Variants in MAP3K2 observed in about 807,000 individuals in gnomAD.
MAP3K2 encodes mitogen-activated protein kinase kinase kinase 2, also known as MAP/ERK kinase kinase 2.
MAP3K2 carries 24 observed loss-of-function variants against 80.3 expected under a neutral mutation model. The observed-to-expected ratio is 0.30, with a 90% CI of 0.22 to 0.42. MAP3K2 has a LOEUF of 0.42. Ranked by LOEUF, MAP3K2 falls within the 10% of genes least tolerant of loss-of-function variation. The pLI is 1.00. For synonymous variants in MAP3K2, 244 were observed against 253.7 expected, an observed-to-expected ratio of 0.96 and a Z score of 0.36; for missense variants, 608 against 750.1, an observed-to-expected ratio of 0.81 and a Z score of 2.21.
intron 1 of MAP3K2, among the ~76,000 whole-genome samples, chr2:127,367,565 G>A (rs888135137): frequency 9.2e-5 from 14 of 152,092 alleles, no homozygotes; most frequent in African/African-American, 3.1e-4. Context: ...GGCTGAGGCA[G>A]GCATATTACC....
chr2:127,358,385 A>C (rs1267627483), intron 1 of MAP3K2, among the ~76,000 whole-genome samples: 1 of 152,188 alleles, frequency 6.6e-6, no homozygotes, highest in African/African-American at 2.4e-5. Flanking sequence ...TTCTCACAAA[A>C]CTAAACATAC....
At chr2:127,346,410 TAAA>T (rs70985447) in intron 1 of MAP3K2, among the ~76,000 whole-genome samples, 7 of 96,324 alleles carry the variant, frequency 7.3e-5, no homozygotes, top group Non-Finnish European at 1.2e-4. Context: ...AAACTGGTTT[TAAA>T]AAAAAAAAAA....
intron 7 of MAP3K2, among the ~76,000 whole-genome samples, chr2:127,328,756 T>C (rs942621723): frequency 6.6e-6 from 1 of 152,218 alleles, no homozygotes; most frequent in Non-Finnish European, 1.5e-5. Context: ...AGAACATGAA[T>C]AATGTCTATT....
intron 1 of MAP3K2, among the ~76,000 whole-genome samples, chr2:127,367,736 T>G (rs982268373): frequency 5.3e-5 from 8 of 152,142 alleles, no homozygotes; most frequent in African/African-American, 1.9e-4. Context: ...GACGTTGTGG[T>G]GAGCCAAGAT....
At chr2:127,376,332 A>C (rs1287857351) in intron 1 of MAP3K2, among the ~76,000 whole-genome samples, 1 of 151,466 alleles carries the variant, frequency 6.6e-6, no homozygotes, top group African/African-American at 2.4e-5. Context: ...GAAGGGGGGG[A>C]GCGCAACCAT....
At chr2:127,383,692 C>A (rs1265030051) in intron 1 of MAP3K2, among the ~76,000 whole-genome samples, 1 of 152,148 alleles carries the variant, frequency 6.6e-6, no homozygotes, top group Non-Finnish European at 1.5e-5. Flanking sequence ...GACAGTGGCT[C>A]ATGCCTGTAA....
intron 1 of MAP3K2, among the ~76,000 whole-genome samples, chr2:127,381,101 A>C (rs1687237767): frequency 6.6e-6 from 1 of 152,166 alleles, no homozygotes; most frequent in South Asian, 2.1e-4. Flanking sequence ...TCCTGGGCTA[A>C]AGGGATTCTC....
In MAP3K2 at chr2:127,299,333, G is replaced by C. The variant is rs1032042368; in HGVS notation, c.*8246C>G. The stretch of plus-strand genomic sequence containing the variant: ...ATATAAAGACACACAACGTATGTTT[G>C]GACATTTCAAAACCAATTTATAGTC... On this transcript the variant is annotated 3_prime_UTR_variant, in exon 17 of 17. Coordinates refer to ENST00000682094, the MANE Select transcript of MAP3K2 (RefSeq NM_001371910.2). 6.6e-6 allele frequency: 1 copy of C among 152,104 alleles called. No individual in the cohort carries two copies. The highest frequency in any genetic ancestry group is 1.5e-5 in the Non-Finnish European group (1 of 68,008). 9.4% of individuals were successfully genotyped at this position (152,104 alleles called of 1,614,324 possible). A position where few individuals can be genotyped will look rare whatever the true frequency, so the allele number is the denominator to read the frequency against.
chr2:127,314,127 C>T (rs899297254), intron 15 of MAP3K2, among the ~76,000 whole-genome samples: 1 of 152,160 alleles, frequency 6.6e-6, no homozygotes, highest in Non-Finnish European at 1.5e-5. Flanking sequence ...TGACTTTATG[C>T]ATTTACCTAC....
At chr2:127,316,708 C>G (rs1000864695) in intron 14 of MAP3K2, among the ~76,000 whole-genome samples, 13 of 152,282 alleles carry the variant, frequency 8.5e-5, no homozygotes, top group African/African-American at 3.1e-4. Flanking sequence ...TGCATTGCTA[C>G]AGTGGAATAA....
Position 127,387,886 on chromosome 2 carries a change from C to T in MAP3K2, c.-500G>A. The T allele has an allele frequency of 1.4e-5, 14 of 982,314 alleles. No homozygotes were observed. The highest frequency in any genetic ancestry group is 1.7e-5 in the African/African-American group (1 of 57,252). The allele number at this position is 982,314 out of a possible 1,614,324, so 60.8% of individuals were successfully genotyped here. A position where few individuals can be genotyped will look rare whatever the true frequency, so the allele number is the denominator to read the frequency against. Reference sequence around the variant, plus strand: ...TCGCCGCCGCGGGCCGTGCAACCCCCGAACGCTGCGCCCAGCGGCCGCGGC... The same window carrying T: ...TCGCCGCCGCGGGCCGTGCAACCCCTGAACGCTGCGCCCAGCGGCCGCGGC... On this transcript the variant is annotated 5_prime_UTR_variant, in exon 1 of 17. Coordinates refer to ENST00000682094, the MANE Select transcript of MAP3K2 (RefSeq NM_001371910.2).
At chr2:127,314,972 AAT>A in intron 14 of MAP3K2, 89 bp from the exon 15 acceptor site, 1 of 881,622 alleles carries the variant, frequency 1.1e-6, no homozygotes, top group Admixed American at 2.8e-5. Context: ...AGAGGGCAGG[AAT>A]TCTCATCTCA....
At chr2:127,313,718 CAT>C (rs753452136) in intron 15 of MAP3K2, among the ~76,000 whole-genome samples, 1 of 152,166 alleles carries the variant, frequency 6.6e-6, no homozygotes, top group Non-Finnish European at 1.5e-5. Context: ...ATGCAAACAT[CAT>C]AGAGTGTATT....
At chr2:127,345,003 T>C (rs1558983225) in intron 1 of MAP3K2, among the ~76,000 whole-genome samples, 1 of 152,108 alleles carries the variant, frequency 6.6e-6, no homozygotes, top group Non-Finnish European at 1.5e-5. Context: ...TAGATGGGAC[T>C]ACAGGTGCAT....
intron 12 of MAP3K2, among the ~76,000 whole-genome samples, chr2:127,320,142 C>CA (rs934554069): frequency 1.1e-4 from 16 of 151,764 alleles, no homozygotes; most frequent in African/African-American, 3.9e-4. Flanking sequence ...GCAACCCTTC[C>CA]AAAAAAAATC....
chr2:127,343,253 A>C lies in MAP3K2; in HGVS notation c.-65-59T>G. On this transcript the variant is annotated intron_variant, in intron 1 of 16. Transcript: ENST00000682094. ...AAAGAAACAGAAAAGGAGCCAGGAA[A>C]AGAAAAAAAAAAGTCAGTTTAAATA... The C allele has an allele frequency of 4.3e-6, 3 of 703,626 alleles. No individual in the cohort carries two copies. The South Asian group carries it at 6.2e-5, about 14-fold the overall frequency. 43.6% of individuals were successfully genotyped at this position (703,626 alleles called of 1,614,324 possible). A position where few individuals can be genotyped will look rare whatever the true frequency, so the allele number is the denominator to read the frequency against.
chr2:127,377,667 AATTTT>A (rs1687174388), intron 1 of MAP3K2, among the ~76,000 whole-genome samples: 1 of 152,196 alleles, frequency 6.6e-6, no homozygotes, highest in Non-Finnish European at 1.5e-5. Context: ...ATGTAATATG[AATTTT>A]CTGGCACACA....
chr2:127,328,153 T>C (rs964881375), intron 7 of MAP3K2, among the ~76,000 whole-genome samples: 1 of 152,182 alleles, frequency 6.6e-6, no homozygotes, highest in Non-Finnish European at 1.5e-5. Flanking sequence ...CGGGCGCCTG[T>C]AATCTCAGTT....
intron 1 of MAP3K2, among the ~76,000 whole-genome samples, chr2:127,386,668 T>TA (rs1407286886): frequency 6.9e-6 from 1 of 145,974 alleles, no homozygotes; most frequent in Non-Finnish European, 1.5e-5. Context: ...AGCCATCTTT[T>TA]AAATTTTTTT....
Sources: gnomAD v4.1 joint callset for allele counts (sites outside exome capture counted in the v4.1 genomes callset) on GRCh38, gnomAD v4.1.1 for gene constraint, MANE v1.5 for transcripts, NCBI Gene and HGNC (gene_info 2026-07-23, HGNC 2026-07-21) for gene names.